Variants in MYO5A observed in about 807,000 individuals in gnomAD.
The protein encoded by MYO5A is myosin VA, also known as unconventional myosin-Va.
Under a neutral mutation model 249.7 loss-of-function variants are expected in MYO5A, and 98 were observed. The ratio of observed to expected loss-of-function variants is 0.39; its 90% confidence interval spans 0.33 to 0.46. MYO5A has a LOEUF of 0.46. Among genes scored for constraint, MYO5A ranks in the 20% least tolerant of loss-of-function variants. The probability of loss-of-function intolerance (pLI) is 0.98; values close to 1 mark genes in which losing one functional copy is unlikely to be tolerated. For missense variants in MYO5A, 1,696 were observed against 2,308.8 expected, an observed-to-expected ratio of 0.73 and a Z score of 5.44; for synonymous variants, 778 against 810.6, an observed-to-expected ratio of 0.96 and a Z score of 0.68.
At position 52,517,979 on chromosome 15, in the gene MYO5A, C is replaced by T. The variant is rs145199877; in HGVS notation, c.27+10801G>A. ...CACTTCTACAAGCAGAAAAAAAATG[C>T]TTATAAATCAACTTTTTAAAAAAGT... On this transcript the variant is annotated intron_variant, in intron 1 of 41. Transcript: ENST00000399233. Among the ~76,000 whole-genome samples the T allele has an allele frequency of 4.5e-4, 68 of 152,148 alleles. 1 individual carries two copies. In the East Asian group the frequency reaches 7.1e-3, roughly 16 times the overall value.
intron 33 of MYO5A, among the ~76,000 whole-genome samples, chr15:52,337,334 A>C (rs1298913573): frequency 1.3e-5 from 2 of 152,224 alleles, no homozygotes; most frequent in Non-Finnish European, 2.9e-5. Flanking sequence ...TTAAAAACTC[A>C]ATCAAAAAGA....
At chr15:52,324,389 T>G (rs959733609) in intron 36 of MYO5A, among the ~76,000 whole-genome samples, 11 of 152,140 alleles carry the variant, frequency 7.2e-5, no homozygotes, top group Admixed American at 2.0e-4. Flanking sequence ...ATGGCAGACA[T>G]ACTTGGAAGG....
chr15:52,519,568 C>T (rs144569620), intron 1 of MYO5A, among the ~76,000 whole-genome samples: 101 of 151,314 alleles, frequency 6.7e-4, no homozygotes, highest in African/African-American at 2.4e-3. Context: ...GCTATGCTTG[C>T]GCTACTGCAC....
intron 1 of MYO5A, among the ~76,000 whole-genome samples, chr15:52,526,430 T>C (rs2077731457): frequency 6.6e-6 from 1 of 152,134 alleles, no homozygotes; most frequent in Non-Finnish European, 1.5e-5. Context: ...CTCGCGATCT[T>C]GGTTCACTGC....
intron 1 of MYO5A, among the ~76,000 whole-genome samples, chr15:52,502,403 G>C (rs1340041905): frequency 1.3e-5 from 2 of 152,130 alleles, no homozygotes; most frequent in Non-Finnish European, 2.9e-5. Context: ...AGAGAGTAGA[G>C]ACAAAATATA....
At chr15:52,354,039 G>T in intron 25 of MYO5A, 25 bp from the exon 26 acceptor site, 1 of 1,613,784 alleles carries the variant, frequency 6.2e-7, no homozygotes, top group South Asian at 1.1e-5. Flanking sequence ...TCACAAAGAT[G>T]GTCAAGACAA....
rs369555698 is a variant in MYO5A at position 52,313,654 on chromosome 15, C to T, written c.*42G>A. 29 of 1,609,300 alleles carry T rather than the reference C, an allele frequency of 1.8e-5. No individual in the cohort carries two copies. The highest frequency in any genetic ancestry group is 1.0e-4 in the Admixed American group (6 of 59,968). On this transcript the variant is annotated 3_prime_UTR_variant, in exon 42 of 42. Coordinates refer to ENST00000399233, the MANE Select transcript of MYO5A (RefSeq NM_001382347.1). ...CACTGGAAATAATGGGTTCTTATTT[C>T]GGGCAAGAAATGTATTGTCAATTTT...
intron 1 of MYO5A, among the ~76,000 whole-genome samples, chr15:52,522,562 A>G (rs1043080331): frequency 1.3e-5 from 2 of 152,206 alleles, no homozygotes; most frequent in African/African-American, 4.8e-5. Flanking sequence ...AGTACCTCAT[A>G]CTTCACTGGG....
chr15:52,393,645 G>A (rs547114375), intron 11 of MYO5A, among the ~76,000 whole-genome samples: 2 of 152,152 alleles, frequency 1.3e-5, no homozygotes, highest in East Asian at 1.9e-4. Flanking sequence ...TGCCTGTCTC[G>A]GCCTCCCAAA....
At chr15:52,380,886 A>G (rs2041706625) in intron 16 of MYO5A, among the ~76,000 whole-genome samples, 1 of 152,234 alleles carries the variant, frequency 6.6e-6, no homozygotes. Context: ...CCTGGAATAA[A>G]GACTGGTCAA....
intron 3 of MYO5A, 59 bp from the exon 4 acceptor site, chr15:52,426,033 A>ATT (rs1359377439): frequency 2.9e-5 from 43 of 1,462,580 alleles, no homozygotes; most frequent in Admixed American, 5.2e-5. Flanking sequence ...TAATGGGCAT[A>ATT]TCAAACTTAG....
chr15:52,358,353 T>C (rs186872609), intron 25 of MYO5A, among the ~76,000 whole-genome samples: 1 of 152,312 alleles, frequency 6.6e-6, no homozygotes. Context: ...CAGGATGTAA[T>C]CCTAAAACCT....
At chr15:52,445,817 A>G (rs2075877519) in intron 1 of MYO5A, among the ~76,000 whole-genome samples, 1 of 152,234 alleles carries the variant, frequency 6.6e-6, no homozygotes, top group African/African-American at 2.4e-5. Context: ...CTTCAGAGTG[A>G]TGATTTAAGG....
rs1477669199 is a variant in MYO5A, at chr15:52,387,813, G to A, written c.1752+16C>T. The A allele has an allele frequency of 6.5e-7, 1 of 1,538,598 alleles. No individual in the cohort carries two copies. The highest frequency in any genetic ancestry group is 1.7e-5 in the Admixed American group (1 of 59,902). On this transcript the variant is annotated intron_variant, in intron 14 of 41. Transcript: ENST00000399233. ...TTGCATACATCCTGGATTAGAGTAA[G>A]CCTATCCATAGTTACCTTGCTTGAT... is the stretch of plus-strand genomic sequence containing the variant.
At chr15:52,522,630 C>A (rs1237492165) in intron 1 of MYO5A, among the ~76,000 whole-genome samples, 3 of 152,276 alleles carry the variant, frequency 2.0e-5, no homozygotes, top group South Asian at 2.1e-4. Context: ...ACCACGTACT[C>A]CTGAATTCTC....
At chr15:52,332,642 T>C (rs1470997689) in intron 34 of MYO5A, among the ~76,000 whole-genome samples, 3 of 152,126 alleles carry the variant, frequency 2.0e-5, no homozygotes, top group Admixed American at 2.0e-4. Context: ...ATAACCTTGA[T>C]TGATTTTGCA....
At chr15:52,348,572 T>C (rs1045662211) in intron 29 of MYO5A, among the ~76,000 whole-genome samples, 5 of 152,218 alleles carry the variant, frequency 3.3e-5, no homozygotes, top group Non-Finnish European at 7.3e-5. Flanking sequence ...CAGTGAGTCA[T>C]AGAGCTGCCT....
intron 34 of MYO5A, among the ~76,000 whole-genome samples, chr15:52,334,081 T>C (rs2039008634): frequency 6.6e-6 from 1 of 152,238 alleles, no homozygotes; most frequent in African/African-American, 2.4e-5. Flanking sequence ...ATGCTACTTA[T>C]GGCTTTACAG....
intron 5 of MYO5A, among the ~76,000 whole-genome samples, chr15:52,414,916 T>TC (rs1057344696): frequency 1.3e-4 from 20 of 152,336 alleles, no homozygotes; most frequent in African/African-American, 4.8e-4. Context: ...TTCCTGTTCA[T>TC]CCTATTTCAG....
Sources: allele counts gnomAD v4.1 joint callset (sites outside exome capture counted in the v4.1 genomes callset), GRCh38; gene constraint gnomAD v4.1.1; transcripts MANE v1.5; gene names NCBI Gene and HGNC (gene_info 2026-07-23, HGNC 2026-07-21).